Variants in SLC39A8 observed in about 807,000 individuals in gnomAD.
SLC39A8 encodes the protein metal cation symporter ZIP8.
A neutral mutation model predicts 40.4 loss-of-function variants in SLC39A8; 15 were observed. That is an observed-to-expected ratio of 0.37 (90% CI 0.25 to 0.57). SLC39A8 has a LOEUF of 0.57. Ranked by LOEUF, SLC39A8 falls within the 20% of genes least tolerant of loss-of-function variation. The pLI is 0.75. For synonymous variants in SLC39A8, 223 were observed against 221.6 expected, an observed-to-expected ratio of 1.01 and a Z score of -0.06; for missense variants, 472 against 558.8, an observed-to-expected ratio of 0.84 and a Z score of 1.57.
intron 6 of SLC39A8, among the ~76,000 whole-genome samples, chr4:102,300,034 CAAT>C (rs1560546598): frequency 6.6e-6 from 1 of 152,006 alleles, no homozygotes; most frequent in Non-Finnish European, 1.5e-5. Context: ...TACCTAGTAA[CAAT>C]AACTGAATAA....
intron 2 of SLC39A8, among the ~76,000 whole-genome samples, chr4:102,338,247 C>T (rs539601252): frequency 3.4e-5 from 5 of 148,758 alleles, no homozygotes; most frequent in Admixed American, 6.7e-5. Context: ...AGTGCAGTGG[C>T]GCCATCTCGG....
At chr4:102,325,081 A>G (rs1177968977) in intron 2 of SLC39A8, among the ~76,000 whole-genome samples, 1 of 151,916 alleles carries the variant, frequency 6.6e-6, no homozygotes, top group Non-Finnish European at 1.5e-5. Context: ...ATACTTATAT[A>G]TACATATATA....
intron 2 of SLC39A8, among the ~76,000 whole-genome samples, chr4:102,343,135 T>C (rs1458862760): frequency 3.9e-5 from 6 of 152,324 alleles, no homozygotes; most frequent in South Asian, 2.1e-4. Flanking sequence ...ACTGGAATTA[T>C]AGACAATTTA....
At chr4:102,302,795 G>A (rs538288364) in intron 6 of SLC39A8, among the ~76,000 whole-genome samples, 29 of 152,042 alleles carry the variant, frequency 1.9e-4, no homozygotes, top group African/African-American at 6.7e-4. Context: ...TTCATCTAAC[G>A]TTCTAGGCAT....
chr4:102,281,052 G>C (rs990217171), intron 6 of SLC39A8, among the ~76,000 whole-genome samples: 4 of 152,096 alleles, frequency 2.6e-5, no homozygotes, highest in Non-Finnish European at 5.9e-5. Flanking sequence ...CACTCTAAAA[G>C]GCTGCTTACT....
At chr4:102,278,797 T>C (rs997492727) in intron 6 of SLC39A8, among the ~76,000 whole-genome samples, 2 of 152,154 alleles carry the variant, frequency 1.3e-5, no homozygotes, top group African/African-American at 4.8e-5. Context: ...CACCACGGAA[T>C]ACTATGCAGA....
At chr4:102,317,835 A>G (rs899877172) in intron 2 of SLC39A8, among the ~76,000 whole-genome samples, 13 of 152,146 alleles carry the variant, frequency 8.5e-5, no homozygotes. Context: ...AAGGCTCCCT[A>G]ATACCTGATG....
At chr4:102,263,274 A>G in intron 8 of SLC39A8, 81 bp from the exon 9 acceptor site, 1 of 1,256,736 alleles carries the variant, frequency 8.0e-7, no homozygotes, top group African/African-American at 1.5e-5. Context: ...CATACCTTGG[A>G]GACAGTGTGG....
chr4:102,307,408 C>T, intron 4 of SLC39A8, 28 bp downstream of exon 4: 1 of 1,604,202 alleles, frequency 6.2e-7, no homozygotes, highest in Non-Finnish European at 8.5e-7. Flanking sequence ...AACAATTATT[C>T]ACAGAAACAA....
At chr4:102,277,343 T>C (rs988515535) in intron 6 of SLC39A8, among the ~76,000 whole-genome samples, 5 of 152,046 alleles carry the variant, frequency 3.3e-5, no homozygotes, top group African/African-American at 1.2e-4. Flanking sequence ...TATACACCAA[T>C]AACAGACAAA....
At chr4:102,298,636 C>T (rs1733777851) in intron 6 of SLC39A8, among the ~76,000 whole-genome samples, 2 of 152,020 alleles carry the variant, frequency 1.3e-5, no homozygotes, top group South Asian at 4.1e-4. Context: ...ACATATTTAT[C>T]TCTAGTCCAT....
chr4:102,290,785 C>T (rs1733400785), intron 6 of SLC39A8, among the ~76,000 whole-genome samples: 1 of 152,048 alleles, frequency 6.6e-6, no homozygotes, highest in Admixed American at 6.6e-5. Context: ...AAAGCCTTTC[C>T]CACTTTTCCC....
chr4:102,325,487 G>A (rs1449969518), intron 2 of SLC39A8, among the ~76,000 whole-genome samples: 1 of 152,098 alleles, frequency 6.6e-6, no homozygotes, highest in African/African-American at 2.4e-5. Context: ...TTGAAGGGAA[G>A]ATGAAGAACG....
intron 3 of SLC39A8, among the ~76,000 whole-genome samples, chr4:102,308,032 G>A (rs1264005784): frequency 1.3e-5 from 2 of 151,944 alleles, no homozygotes; most frequent in African/African-American, 4.8e-5. Flanking sequence ...ATGGGGTGAT[G>A]GGTGGGAGGG....
At chr4:102,275,701 A>G (rs964806188) in intron 6 of SLC39A8, among the ~76,000 whole-genome samples, 30 of 152,190 alleles carry the variant, frequency 2.0e-4, no homozygotes, top group African/African-American at 7.2e-4. Flanking sequence ...AGCACCACAT[A>G]GCACTTATTC....
intron 2 of SLC39A8, among the ~76,000 whole-genome samples, chr4:102,328,829 T>A (rs937922550): frequency 1.4e-4 from 21 of 151,868 alleles, no homozygotes; most frequent in African/African-American, 4.8e-4. Flanking sequence ...ATCGAGACCA[T>A]CCTGGTTAAC....
At position 102,261,814 on chromosome 4, in the gene SLC39A8, A is replaced by G. The variant is rs538817922; in HGVS notation, c.*1230T>C. On this transcript the variant is annotated 3_prime_UTR_variant, in exon 9 of 9. Coordinates refer to ENST00000356736, the MANE Select transcript of SLC39A8 (RefSeq NM_001135146.2). Reference sequence around the variant, plus strand: ...CATTTTTTGGTCTGTTGGAAAATGTAATTCCTGAGATCATTGTTGGGCTTT... The same window carrying G: ...CATTTTTTGGTCTGTTGGAAAATGTGATTCCTGAGATCATTGTTGGGCTTT... 21 of 986,002 alleles carry G rather than the reference A, an allele frequency of 2.1e-5. No individual in the cohort carries two copies. Among genetic ancestry groups the G allele is most frequent in the Non-Finnish European group, 2.5e-5 (21 of 829,942 alleles). The allele number at this position is 986,002 out of a possible 1,614,324, so 61.1% of individuals were successfully genotyped here.
downstream of SLC39A8, among the ~76,000 whole-genome samples, chr4:102,260,419 T>A (rs1363964212): frequency 6.6e-6 from 1 of 152,230 alleles, no homozygotes; most frequent in Non-Finnish European, 1.5e-5. Context: ...GGCTATTACT[T>A]CTGAAAAGGC....
intron 2 of SLC39A8, among the ~76,000 whole-genome samples, chr4:102,317,435 A>G (rs1300364369): frequency 6.6e-6 from 1 of 152,158 alleles, no homozygotes; most frequent in Admixed American, 6.6e-5. Context: ...CATGCCATCC[A>G]TAGAAGAGGA....
Sources: gnomAD v4.1 joint callset for allele counts (sites outside exome capture counted in the v4.1 genomes callset) on GRCh38, gnomAD v4.1.1 for gene constraint, MANE v1.5 for transcripts, NCBI Gene and HGNC (gene_info 2026-07-23, HGNC 2026-07-21) for gene names.